The following KLHDC4 variants were observed in gnomAD, a reference collection of about 807,000 sequenced individuals.
The protein encoded by KLHDC4 is kelch domain-containing protein 4.
Under a neutral mutation model 62.4 loss-of-function variants are expected in KLHDC4, and 90 were observed. The observed-to-expected ratio is 1.44, with a 90% CI of 1.22 to 1.72. The LOEUF (loss-of-function observed/expected upper bound fraction) is 1.72, where lower values mean the gene tolerates loss of function less well. Among genes scored for constraint, KLHDC4 ranks in the 40% most tolerant of loss-of-function variants. The pLI is 0.00. For synonymous variants in KLHDC4, 386 were observed against 284.4 expected, an observed-to-expected ratio of 1.36 and a Z score of -3.59; for missense variants, 1,025 against 699.7, an observed-to-expected ratio of 1.47 and a Z score of -5.25.
Position 87,762,022 on chromosome 16 carries a change from T to C in KLHDC4, c.118A>G (p.Ile40Val). The C allele has an allele frequency of 1.2e-6, 2 of 1,613,936 alleles. No homozygotes were observed. The highest frequency in any genetic ancestry group is 2.2e-5 in the East Asian group (1 of 44,878). ...RKEEEDLEAL[I>V]AHFQTLDAKR... is the part of the protein sequence containing the mutation. ...GCATCGAGTGTCTGGAAATGGGCTA[T>C]GAGCGCTTCCAGGTCTTCCTAGGGC... Residue 40 changes from isoleucine (I) to valine (V), a missense_variant, in exon 2 of 12, where the codon ATA (isoleucine) becomes GTA (valine). Transcript: ENST00000270583.
intron 10 of KLHDC4, 86 bp from the exon 11 acceptor site, chr16:87,708,552 G>T: frequency 2.3e-6 from 2 of 881,730 alleles, no homozygotes; most frequent in Non-Finnish European, 3.3e-6. Context: ...CTACGTCCTG[G>T]GGGGATTCCA....
chr16:87,717,463 G>C (rs1033967689), intron 7 of KLHDC4, among the ~76,000 whole-genome samples: 1 of 152,190 alleles, frequency 6.6e-6, no homozygotes, highest in Non-Finnish European at 1.5e-5. Flanking sequence ...CTGGGCCTGA[G>C]TGTCCTAAAA....
chr16:87,751,300 C>T (rs2043888216), intron 4 of KLHDC4, among the ~76,000 whole-genome samples: 1 of 151,992 alleles, frequency 6.6e-6, no homozygotes, highest in African/African-American at 2.4e-5. Context: ...ATGGTGAAAC[C>T]CTGTCTGTAC....
At chr16:87,757,574 A>C (rs1048558411) in intron 2 of KLHDC4, 11 of 152,126 alleles carry the variant, frequency 7.2e-5, no homozygotes, top group Non-Finnish European at 8.8e-5. Context: ...AGAACAAAAG[A>C]AGAGCTACAA....
chr16:87,698,731 AAGC>A (rs957827614), exon 1 of KLHDC4: 2 of 152,348 alleles, frequency 1.3e-5, no homozygotes, highest in East Asian at 1.9e-4. Context: ...TGGGGTGATT[AAGC>A]AGAAGGCTGC....
At chr16:87,729,953 T>A (rs144362257) in intron 6 of KLHDC4, among the ~76,000 whole-genome samples, 266 of 152,236 alleles carry the variant, frequency 1.7e-3, no homozygotes, top group African/African-American at 3.7e-3. Flanking sequence ...CATTTTATTT[T>A]TTTATTTATT....
intron 5 of KLHDC4, among the ~76,000 whole-genome samples, chr16:87,736,004 C>A (rs2041245353): frequency 6.6e-6 from 1 of 152,262 alleles, no homozygotes; most frequent in African/African-American, 2.4e-5. Context: ...AAACGCTTCT[C>A]TGAGTGACTT....
intron 7 of KLHDC4, among the ~76,000 whole-genome samples, chr16:87,716,729 G>C (rs1274507297): frequency 6.6e-6 from 1 of 152,024 alleles, no homozygotes; most frequent in Non-Finnish European, 1.5e-5. Context: ...AGGAGATCAA[G>C]ACTAATCCTG....
chr16:87,759,536 C>G (rs964859267), intron 2 of KLHDC4, among the ~76,000 whole-genome samples: 3 of 152,164 alleles, frequency 2.0e-5, no homozygotes, highest in African/African-American at 7.2e-5. Flanking sequence ...CACCTAAGGT[C>G]GGGAGTTCAA....
intron 5 of KLHDC4, among the ~76,000 whole-genome samples, chr16:87,746,208 T>C (rs1341841801): frequency 1.3e-5 from 2 of 151,854 alleles, no homozygotes; most frequent in African/African-American, 2.4e-5. Context: ...AGTTTGAGGC[T>C]GCAATAAGGT....
chr16:87,713,057 A>T (rs1169364966), intron 8 of KLHDC4, among the ~76,000 whole-genome samples: 1 of 152,200 alleles, frequency 6.6e-6, no homozygotes, highest in African/African-American at 2.4e-5. Context: ...TTTGAGACAG[A>T]GTCTCACTCT....
chr16:87,761,966 G>A lies in KLHDC4; in HGVS notation c.174C>T (p.Cys58=). 1.9e-6 allele frequency: 3 copies of A among 1,613,698 alleles called. No individual in the cohort carries two copies. The highest frequency in any genetic ancestry group is 1.7e-4 in the Middle Eastern group (1 of 6,060). Reference sequence around the variant, plus strand: ...TTGCTCACCTTGGTGAGGGTGGGGGGCACGGAAGTTCCACAGTCTGAGTCC... The same window carrying A: ...TTGCTCACCTTGGTGAGGGTGGGGGACACGGAAGTTCCACAGTCTGAGTCC... ...AKRTQTVELP[C]PPPSPRLNAS... is the part of the protein sequence containing the mutation. The change falls in exon 2 of 12, where the codon TGC becomes TGT. Residue 58 remains cysteine, a synonymous_variant. Coordinates refer to ENST00000270583, the MANE Select transcript of KLHDC4 (RefSeq NM_017566.4).
chr16:87,747,980 C>T (rs745614069), intron 5 of KLHDC4, among the ~76,000 whole-genome samples: 1 of 152,236 alleles, frequency 6.6e-6, no homozygotes, highest in East Asian at 1.9e-4. Flanking sequence ...GTCATGGCCG[C>T]AGCAATCGAG....
chr16:87,731,388 T>TA (rs1292696576), intron 5 of KLHDC4, among the ~76,000 whole-genome samples: 1 of 151,602 alleles, frequency 6.6e-6, no homozygotes, highest in African/African-American at 2.4e-5. Context: ...TCTATCTTAA[T>TA]AGTAAGATAA....
Position 87,708,398 on chromosome 16 carries a change from CA to C in KLHDC4, c.1515del (p.Val507SerfsTer69). On this transcript the variant is annotated frameshift_variant, in exon 11 of 12. Transcript: ENST00000270583. LOFTEE classifies it high-confidence loss of function. ...EDSEEVEGAE[G>X]GVDDEDSGEE... is the part of the protein sequence containing the mutation. ...TCTCCGCTGTCTTCGTCGTCGACCC[CA>C]CCCTCGGCGCCCTCAACCTCCTCAC... The C allele has an allele frequency of 7.4e-6, 12 of 1,611,788 alleles. No homozygotes were observed. Among genetic ancestry groups the C allele is most frequent in the Non-Finnish European group, 9.3e-6 (11 of 1,179,502 alleles).
At chr16:87,741,312 T>C (rs541939727) in intron 5 of KLHDC4, among the ~76,000 whole-genome samples, 1 of 152,186 alleles carries the variant, frequency 6.6e-6, no homozygotes, top group South Asian at 2.1e-4. Context: ...TGCCTGCCAG[T>C]TGGAGGTCCA....
intron 2 of KLHDC4, among the ~76,000 whole-genome samples, chr16:87,757,845 T>C (rs539190009): frequency 2.0e-4 from 30 of 152,192 alleles, no homozygotes; most frequent in African/African-American, 7.0e-4. Context: ...TGAGCCAGGA[T>C]TGCATCATTG....
intron 5 of KLHDC4, chr16:87,739,828 C>G (rs149325935): frequency 6.6e-6 from 1 of 152,242 alleles, no homozygotes; most frequent in Non-Finnish European, 1.5e-5. Flanking sequence ...CAGCAGGGAC[C>G]GGGGACGGTG....
intron 8 of KLHDC4, among the ~76,000 whole-genome samples, chr16:87,712,539 G>C (rs1011339076): frequency 6.6e-6 from 1 of 152,234 alleles, no homozygotes; most frequent in Non-Finnish European, 1.5e-5. Context: ...GAGCACACAG[G>C]CTCAGGGCCG....
Sources: allele counts gnomAD v4.1 joint callset (sites outside exome capture counted in the v4.1 genomes callset), GRCh38; gene constraint gnomAD v4.1.1; transcripts MANE v1.5; gene names NCBI Gene and HGNC (gene_info 2026-07-23, HGNC 2026-07-21).